TMEM132B: variants seen among roughly 807,000 people sequenced by gnomAD.
TMEM132B encodes the protein transmembrane protein 132B.
In TMEM132B, 18 loss-of-function variants were observed where a neutral mutation model predicts 90.8. The ratio of observed to expected loss-of-function variants is 0.20; its 90% CI spans 0.14 to 0.29. The LOEUF (loss-of-function observed/expected upper bound fraction) is 0.29, where lower values mean the gene tolerates loss of function less well. TMEM132B is among the 10% of genes least tolerant of loss of function. The pLI is 1.00. For synonymous variants in TMEM132B, 504 were observed against 523.3 expected (o/e 0.96, Z 0.50); for missense variants, 1,096 against 1,326.8 (o/e 0.83, Z 2.70).
intron 5 of TMEM132B, among the ~76,000 whole-genome samples, chr12:125,626,676 T>C (rs999776706): frequency 4.6e-5 from 7 of 152,160 alleles, no homozygotes; most frequent in Non-Finnish European, 1.0e-4. Context: ...TTGTTATCCA[T>C]CTTCTTCTGT....
At chr12:125,546,132 T>A (rs1884084548) in intron 4 of TMEM132B, among the ~76,000 whole-genome samples, 1 of 152,062 alleles carries the variant, frequency 6.6e-6, no homozygotes, top group African/African-American at 2.4e-5. Flanking sequence ...TGTATACATC[T>A]TTTGCAATAA....
chr12:125,276,658 T>C (rs1007342760), intron 1 of TMEM132B, among the ~76,000 whole-genome samples: 7 of 152,230 alleles, frequency 4.6e-5, no homozygotes, highest in Non-Finnish European at 1.0e-4. Context: ...CTTTGGGGGC[T>C]GCCTGTCTGT....
At chr12:125,356,692 C>G (rs1481210541) in intron 2 of TMEM132B, among the ~76,000 whole-genome samples, 1 of 152,222 alleles carries the variant, frequency 6.6e-6, no homozygotes, top group South Asian at 2.1e-4. Flanking sequence ...AAGGCTCAGG[C>G]CGCCATGTTG....
chr12:125,289,086 T>G (rs1875459594), intron 1 of TMEM132B, among the ~76,000 whole-genome samples: 1 of 152,208 alleles, frequency 6.6e-6, no homozygotes, highest in Non-Finnish European at 1.5e-5. Context: ...TTGTCCAAGC[T>G]TTGATGGGCT....
At chr12:125,644,751 G>A (rs1165419087) in intron 6 of TMEM132B, among the ~76,000 whole-genome samples, 9 of 152,004 alleles carry the variant, frequency 5.9e-5, no homozygotes, top group Non-Finnish European at 8.8e-5. Context: ...ACCATCCCGC[G>A]CCGGGCAAGA....
In TMEM132B at chr12:125,305,450, A is replaced by G. The variant is rs1010301468; in HGVS notation, c.68-44002A>G. Among the ~76,000 whole-genome samples the G allele has an allele frequency of 7.9e-5, 12 of 151,264 alleles. 1 individual carries two copies. The East Asian group carries it at 2.3e-3, about 29-fold the overall frequency. ...GTCCAAAGCCCAGGGTAGGGGGGGG[A>G]AGGCTGTCTGTTAAAAGTTAATGAT... On this transcript the variant is annotated intron_variant, in intron 1 of 8. Coordinates refer to ENST00000682704, the MANE Select transcript of TMEM132B (RefSeq NM_001366854.1).
At chr12:125,611,606 CT>C (rs1251850477) in intron 5 of TMEM132B, among the ~76,000 whole-genome samples, 2 of 151,878 alleles carry the variant, frequency 1.3e-5, no homozygotes, top group East Asian at 3.9e-4. Flanking sequence ...TGTACTGTGT[CT>C]TCATTTTCAT....
chr12:125,284,888 TAAG>T (rs967220475), intron 1 of TMEM132B, among the ~76,000 whole-genome samples: 5 of 152,230 alleles, frequency 3.3e-5, no homozygotes, highest in African/African-American at 7.2e-5. Flanking sequence ...TTTTCAGAGA[TAAG>T]AAGGCTTATT....
intron 3 of TMEM132B, among the ~76,000 whole-genome samples, chr12:125,436,514 T>C (rs377490820): frequency 6.6e-6 from 1 of 152,158 alleles, no homozygotes; most frequent in Non-Finnish European, 1.5e-5. Flanking sequence ...GACACAGACA[T>C]GCACACAGGC....
chr12:125,546,344 G>A (rs1480310165), intron 4 of TMEM132B, among the ~76,000 whole-genome samples: 3 of 151,858 alleles, frequency 2.0e-5, no homozygotes, highest in East Asian at 3.9e-4. Flanking sequence ...CACCACGCCC[G>A]GCTAATTTTT....
chr12:125,494,412 C>T (rs1882461899), intron 3 of TMEM132B, among the ~76,000 whole-genome samples: 1 of 140,544 alleles, frequency 7.1e-6, no homozygotes, highest in African/African-American at 2.7e-5. Flanking sequence ...TGCATGCCTC[C>T]TCCCCCTCCT....
chr12:125,190,423 GAGGTGGTGATGGTGATGGGAA>G, intron 1 of TMEM132B, among the ~76,000 whole-genome samples: 1 of 137,248 alleles, frequency 7.3e-6, no homozygotes, highest in Admixed American at 7.2e-5. Flanking sequence ...GTGATGGGAA[GAGGTGGTGATGGTGATGGGAA>G]GGGGTGGTGA....
intron 1 of TMEM132B, among the ~76,000 whole-genome samples, chr12:125,333,912 A>C (rs1332980246): frequency 1.3e-5 from 2 of 152,112 alleles, no homozygotes; most frequent in Non-Finnish European, 2.9e-5. Context: ...TGGCATGGTT[A>C]TATTTCTGCT....
chr12:125,364,079 T>C (rs1409030625), intron 2 of TMEM132B, among the ~76,000 whole-genome samples: 2 of 152,220 alleles, frequency 1.3e-5, no homozygotes, highest in Non-Finnish European at 2.9e-5. Context: ...CTATTTGTTG[T>C]ATATAAACAC....
chr12:125,310,541 A>G (rs941254416), intron 1 of TMEM132B, among the ~76,000 whole-genome samples: 3 of 152,100 alleles, frequency 2.0e-5, no homozygotes, highest in East Asian at 1.9e-4. Context: ...ACCCAGGCCT[A>G]TAAGTTAGAC....
At chr12:125,239,202 G>C (rs1228330893) in intron 1 of TMEM132B, among the ~76,000 whole-genome samples, 2 of 152,120 alleles carry the variant, frequency 1.3e-5, no homozygotes, top group African/African-American at 4.8e-5. Context: ...GAAACTGTTA[G>C]GGAAGAGTGT....
At chr12:125,360,113 A>G (rs1877913419) in intron 2 of TMEM132B, among the ~76,000 whole-genome samples, 1 of 152,184 alleles carries the variant, frequency 6.6e-6, no homozygotes, top group Non-Finnish European at 1.5e-5. Flanking sequence ...CATGGCCCCC[A>G]CATCTCTTGC....
Position 125,394,500 on chromosome 12 carries a change from G to A in TMEM132B, c.960-21031G>A, listed in dbSNP as rs150023640. 3.0e-3 allele frequency among the ~76,000 whole-genome samples: 455 copies of A among 152,286 alleles called. 3 individuals are homozygous for A. The highest frequency in any genetic ancestry group is 0.01 in the African/African-American group (428 of 41,562). ...ATTGATTGACTTGGGTGTCAAGTGG[G>A]CGACAGGGTTGATCTGTAGGTTTCT... is the stretch of plus-strand genomic sequence containing the variant. On this transcript the variant is annotated intron_variant, in intron 2 of 8. Coordinates refer to ENST00000682704, the MANE Select transcript of TMEM132B (RefSeq NM_001366854.1).
At position 125,431,081 on chromosome 12, in the gene TMEM132B, A is replaced by G. The variant is rs889879895; in HGVS notation, c.1106+15404A>G. Among the ~76,000 whole-genome samples the G allele has an allele frequency of 2.6e-5, 4 of 152,174 alleles. No individual in the cohort carries two copies. In the South Asian group the frequency reaches 6.2e-4, roughly 24 times the overall value. ...GCAAGGTGGCCAAGGGCTGAATTAT[A>G]TAGGACTTCATAGGCTCTGAAAAGA... On this transcript the variant is annotated intron_variant, in intron 3 of 8. Coordinates refer to ENST00000682704, the MANE Select transcript of TMEM132B (RefSeq NM_001366854.1).
Sources: allele counts gnomAD v4.1 joint callset (sites outside exome capture counted in the v4.1 genomes callset), GRCh38; gene constraint gnomAD v4.1.1; transcripts MANE v1.5; gene names NCBI Gene and HGNC (gene_info 2026-07-23, HGNC 2026-07-21).